Variants in CACNA2D3 observed in about 807,000 individuals in gnomAD.
The protein encoded by CACNA2D3 is voltage-dependent calcium channel subunit alpha-2/delta-3.
CACNA2D3 carries 60 observed loss-of-function variants against 160.6 expected under a neutral mutation model. That is an observed-to-expected ratio of 0.37 (90% CI 0.30 to 0.46). The LOEUF (loss-of-function observed/expected upper bound fraction) is 0.46, where lower values mean the gene tolerates loss of function less well. Among genes scored for constraint, CACNA2D3 ranks in the 20% least tolerant of loss-of-function variants. CACNA2D3 has a pLI of 1.00. For synonymous variants in CACNA2D3, 558 were observed against 492.9 expected, an observed-to-expected ratio of 1.13 and a Z score of -1.75; for missense variants, 1,205 against 1,365.0, an observed-to-expected ratio of 0.88 and a Z score of 1.85.
At chr3:55,027,006 C>T (rs1351610455) in intron 35 of CACNA2D3, among the ~76,000 whole-genome samples, 2 of 152,008 alleles carry the variant, frequency 1.3e-5, no homozygotes, top group Middle Eastern at 3.4e-3. Context: ...CACACACACA[C>T]GCACACACGC....
chr3:54,555,345 A>G (rs758095627), intron 5 of CACNA2D3, among the ~76,000 whole-genome samples: 2 of 152,200 alleles, frequency 1.3e-5, no homozygotes, highest in Non-Finnish European at 2.9e-5. Flanking sequence ...TGTAACTAAA[A>G]TACAGTCATA....
At chr3:54,904,539 G>A (rs539529052) in intron 27 of CACNA2D3, among the ~76,000 whole-genome samples, 6 of 152,172 alleles carry the variant, frequency 3.9e-5, no homozygotes, top group Non-Finnish European at 2.9e-5. Context: ...TCTGAATTAT[G>A]TGCACTTGCT....
At chr3:54,301,066 G>A (rs75342892) in intron 2 of CACNA2D3, among the ~76,000 whole-genome samples, 3,447 of 151,920 alleles carry the variant, frequency 0.023, 52 homozygotes, top group Non-Finnish European at 0.035. Context: ...TTAAGCCTGG[G>A]CGACATAGTG....
intron 5 of CACNA2D3, among the ~76,000 whole-genome samples, chr3:54,522,907 C>CATTTATTTATTT (rs36129743): frequency 1.2e-3 from 179 of 146,414 alleles, no homozygotes; most frequent in African/African-American, 4.3e-3. Context: ...ACCAAAGCAC[C>CATTTATTTATTT]ATTTATTTAT....
chr3:54,161,867 C>T (rs1353184812), intron 2 of CACNA2D3, among the ~76,000 whole-genome samples: 2 of 152,184 alleles, frequency 1.3e-5, no homozygotes, highest in African/African-American at 4.8e-5. Flanking sequence ...GCGATGATTG[C>T]TCCTTGGGGA....
rs115668377 is a variant in CACNA2D3 at position 54,296,785 on chromosome 3, A to G, written c.205-23657A>G. 4.1e-3 allele frequency among the ~76,000 whole-genome samples: 617 copies of G among 152,282 alleles called. 8 individuals are homozygous for G. Among genetic ancestry groups the G allele is most frequent in the African/African-American group, 0.014 (575 of 41,548 alleles). ...TTGTTTTTAGCTAAAAAGCCAACTG[A>G]GAGAAGGAGACAAATTGTGTTGTGG... On this transcript the variant is annotated intron_variant, in intron 2 of 37. Coordinates refer to ENST00000474759, the MANE Select transcript of CACNA2D3 (RefSeq NM_018398.3).
intron 3 of CACNA2D3, among the ~76,000 whole-genome samples, chr3:54,326,164 C>T (rs1205011249): frequency 1.3e-5 from 2 of 152,128 alleles, no homozygotes; most frequent in East Asian, 1.9e-4. Flanking sequence ...AGCTTTTTAT[C>T]GAGAAATTCC....
intron 8 of CACNA2D3, among the ~76,000 whole-genome samples, chr3:54,571,169 G>T (rs1393200883): frequency 6.6e-6 from 1 of 152,108 alleles, no homozygotes; most frequent in East Asian, 1.9e-4. Context: ...TAAAGAGCTG[G>T]GGGTGAATAA....
intron 35 of CACNA2D3, among the ~76,000 whole-genome samples, chr3:55,045,540 T>C (rs564533576): frequency 6.6e-5 from 10 of 152,212 alleles, no homozygotes; most frequent in Non-Finnish European, 1.0e-4. Flanking sequence ...GATTTCGTTG[T>C]AGAAAAAGTT....
At chr3:54,510,183 G>GGGAT (rs1368858758) in intron 5 of CACNA2D3, among the ~76,000 whole-genome samples, 1 of 151,590 alleles carries the variant, frequency 6.6e-6, no homozygotes, top group African/African-American at 2.4e-5. Flanking sequence ...AGTGAGTGGA[G>GGGAT]GGATGGATGG....
intron 2 of CACNA2D3, among the ~76,000 whole-genome samples, chr3:54,284,286 T>A (rs7641841): frequency 0.12 from 18,188 of 151,264 alleles, 1,191 homozygotes; most frequent in East Asian, 0.23. Context: ...AAAATAAAAT[T>A]AAATTAAAAA....
At chr3:54,245,260 C>A (rs1050731635) in intron 2 of CACNA2D3, among the ~76,000 whole-genome samples, 12 of 151,144 alleles carry the variant, frequency 7.9e-5, no homozygotes, top group African/African-American at 2.9e-4. Flanking sequence ...TCCAAGATGT[C>A]TTTTTATTTT....
chr3:54,677,690 T>A (rs552599769), intron 11 of CACNA2D3, among the ~76,000 whole-genome samples: 25 of 152,044 alleles, frequency 1.6e-4, no homozygotes, highest in Non-Finnish European at 3.2e-4. Flanking sequence ...TGTTTTATTA[T>A]CATGAAATAT....
chr3:54,430,996 T>C (rs539168288), intron 4 of CACNA2D3, among the ~76,000 whole-genome samples: 1 of 152,242 alleles, frequency 6.6e-6, no homozygotes, highest in African/African-American at 2.4e-5. Context: ...ATGTAGTATA[T>C]ACCATATTCT....
At chr3:54,683,979 T>A (rs1700402442) in intron 11 of CACNA2D3, among the ~76,000 whole-genome samples, 1 of 89,078 alleles carries the variant, frequency 1.1e-5, no homozygotes, top group Admixed American at 1.3e-4. Flanking sequence ...TTTTTTTTTT[T>A]TTTTTTTTGA....
intron 4 of CACNA2D3, among the ~76,000 whole-genome samples, chr3:54,439,258 CTGTG>C (rs1700106299): frequency 1.3e-5 from 2 of 151,938 alleles, no homozygotes; most frequent in South Asian, 4.2e-4. Context: ...TTTGAGGTTA[CTGTG>C]CTTGCAAATT....
intron 3 of CACNA2D3, among the ~76,000 whole-genome samples, chr3:54,369,325 G>T (rs1285284160): frequency 6.6e-6 from 1 of 152,084 alleles, no homozygotes; most frequent in Non-Finnish European, 1.5e-5. Flanking sequence ...CTGGTGGGTG[G>T]GATTCGCTTT....
intron 11 of CACNA2D3, among the ~76,000 whole-genome samples, chr3:54,650,412 A>C (rs1699740082): frequency 6.6e-6 from 1 of 151,318 alleles, no homozygotes; most frequent in Non-Finnish European, 1.5e-5. Flanking sequence ...CCCAGGCTGG[A>C]GTGTAGTGGT....
intron 2 of CACNA2D3, among the ~76,000 whole-genome samples, chr3:54,159,987 C>T (rs538679368): frequency 1.3e-5 from 2 of 152,208 alleles, no homozygotes; most frequent in African/African-American, 4.8e-5. Context: ...AACTGCCTGG[C>T]AAGCTCTGTA....
Sources: allele counts gnomAD v4.1 joint callset (sites outside exome capture counted in the v4.1 genomes callset), GRCh38; gene constraint gnomAD v4.1.1; transcripts MANE v1.5; gene names NCBI Gene and HGNC (gene_info 2026-07-23, HGNC 2026-07-21).